The following AKAP12 variants were observed in gnomAD, a reference collection of about 807,000 sequenced individuals.
AKAP12 encodes A-kinase anchoring protein 12, also known as A-kinase anchor protein 12.
In AKAP12, 32 loss-of-function variants were observed where a neutral mutation model predicts 79.9. The ratio of observed to expected loss-of-function variants is 0.40; its 90% CI spans 0.30 to 0.54. The LOEUF (loss-of-function observed/expected upper bound fraction) is 0.54, where lower values mean the gene tolerates loss of function less well. Among genes scored for constraint, AKAP12 ranks in the 20% least tolerant of loss-of-function variants. AKAP12 has a pLI of 0.48. For synonymous variants in AKAP12, 808 were observed against 857.0 expected (o/e 0.94, Z 1.00); for missense variants, 2,074 against 2,177.0 (o/e 0.95, Z 0.94).
intron 2 of AKAP12, among the ~76,000 whole-genome samples, chr6:151,245,354 T>A (rs1797049912): frequency 6.6e-6 from 1 of 151,160 alleles, no homozygotes; most frequent in Admixed American, 6.6e-5. Context: ...TTGAACCGAA[T>A]TCTTTTTTTT....
chr6:151,269,748 G>GTACAATTCACCATT (rs1463480929), intron 2 of AKAP12, among the ~76,000 whole-genome samples: 1 of 152,250 alleles, frequency 6.6e-6, no homozygotes, highest in East Asian at 1.9e-4. Flanking sequence ...TTCACGTACT[G>GTACAATTCACCATT]TACAATTCAC....
At chr6:151,270,006 A>G (rs547308975) in intron 2 of AKAP12, among the ~76,000 whole-genome samples, 24 of 152,230 alleles carry the variant, frequency 1.6e-4, no homozygotes, top group African/African-American at 5.3e-4. Flanking sequence ...TTCATTTATT[A>G]TGGTGTTTGC....
Position 151,280,041 on chromosome 6 carries a change from T to G in AKAP12, c.163-25706T>G, listed in dbSNP as rs543931716. Among the ~76,000 whole-genome samples, 211 of 151,476 alleles carry G rather than the reference T, an allele frequency of 1.4e-3. 1 individual carries two copies. The highest frequency in any genetic ancestry group is 4.5e-3 in the African/African-American group (188 of 41,398). On this transcript the variant is annotated intron_variant, in intron 2 of 4. Coordinates refer to ENST00000402676, the MANE Select transcript of AKAP12 (RefSeq NM_005100.4). ...CAAACATATCCTTTCGGTTGTTGTT[T>G]TTTTTTTTTAAATATGCATATAGAT... is the stretch of plus-strand genomic sequence containing the variant.
chr6:151,349,084 A>G lies in AKAP12; in HGVS notation c.693A>G (p.Glu231=). The G allele has an allele frequency of 3.1e-6, 5 of 1,612,302 alleles. No homozygotes were observed. Among genetic ancestry groups the G allele is most frequent in the Non-Finnish European group, 4.2e-6 (5 of 1,179,592 alleles). The change falls in exon 4 of 5, where the codon GAA becomes GAG. Residue 231 remains glutamate (E), a synonymous_variant. Coordinates refer to ENST00000402676, the MANE Select transcript of AKAP12 (RefSeq NM_005100.4). ...GAGAAGCAGCATCCAAAGAAAGCGA[A>G]CCCAAACAATCTACAGAGAAACCCG... The part of the protein sequence containing the change: ...GAGEAASKES[E]PKQSTEKPEE...
At chr6:151,323,884 A>T (rs1397265724) in intron 3 of AKAP12, 2 of 985,384 alleles carry the variant, frequency 2.0e-6, no homozygotes, top group Non-Finnish European at 2.4e-6. Context: ...CTGAGAAATG[A>T]TGCAGAACCA....
intron 2 of AKAP12, among the ~76,000 whole-genome samples, chr6:151,261,583 C>T (rs114386607): frequency 0.054 from 8,163 of 150,414 alleles, 261 homozygotes; most frequent in African/African-American, 0.085. Context: ...TGCCTGTAAG[C>T]CCAGCTGCTT....
intron 3 of AKAP12, among the ~76,000 whole-genome samples, chr6:151,311,514 C>A (rs988721263): frequency 2.0e-5 from 3 of 152,134 alleles, no homozygotes; most frequent in African/African-American, 7.2e-5. Context: ...TGATCACACC[C>A]CCCACCCCCG....
chr6:151,304,536 G>A (rs1776935323), intron 2 of AKAP12, among the ~76,000 whole-genome samples: 1 of 135,452 alleles, frequency 7.4e-6, no homozygotes, highest in Non-Finnish European at 1.6e-5. Flanking sequence ...TATGACCAAG[G>A]GCATGCCTAC....
intron 2 of AKAP12, among the ~76,000 whole-genome samples, chr6:151,258,682 G>C (rs755596822): frequency 6.6e-6 from 1 of 152,074 alleles, no homozygotes; most frequent in East Asian, 1.9e-4. Flanking sequence ...GTCTTGCTCT[G>C]TTGCCCAGGC....
rs746006991 is a variant in AKAP12 at position 151,347,703 on chromosome 6, C to T, written c.320-1008C>T. Among the ~76,000 whole-genome samples the T allele has an allele frequency of 2.6e-5, 4 of 152,168 alleles. No individual in the cohort carries two copies. The East Asian group carries it at 7.7e-4, about 29-fold the overall frequency. The stretch of plus-strand genomic sequence containing the variant: ...AAGATCTCACTTTATCCTTGAATTG[C>T]CTCGCATTAAAGAAAGTATTAATTG... On this transcript the variant is annotated intron_variant, in intron 3 of 4. Transcript: ENST00000402676.
At chr6:151,256,038 A>G (rs1301619156) in intron 2 of AKAP12, among the ~76,000 whole-genome samples, 1 of 152,090 alleles carries the variant, frequency 6.6e-6, no homozygotes, top group Non-Finnish European at 1.5e-5. Context: ...AGAGGCACCA[A>G]TCCGACAGTG....
chr6:151,325,015 C>T (rs920224179), intron 3 of AKAP12: 1 of 985,308 alleles, frequency 1.0e-6, no homozygotes, highest in Non-Finnish European at 1.2e-6. Flanking sequence ...TAGAAAAAGA[C>T]CCCATGCTCA....
intron 2 of AKAP12, among the ~76,000 whole-genome samples, chr6:151,282,179 G>A (rs1317305178): frequency 1.3e-5 from 2 of 151,870 alleles, no homozygotes; most frequent in African/African-American, 4.8e-5. Flanking sequence ...CGCCTCCCAG[G>A]TTCGAGCGGG....
At chr6:151,291,557 G>A (rs1334057348) in intron 2 of AKAP12, among the ~76,000 whole-genome samples, 1 of 152,188 alleles carries the variant, frequency 6.6e-6, no homozygotes, top group Non-Finnish European at 1.5e-5. Context: ...TCAAGCAGCA[G>A]CAGGGCTGGA....
At chr6:151,301,659 A>G (rs1284032541) in intron 2 of AKAP12, among the ~76,000 whole-genome samples, 3 of 152,170 alleles carry the variant, frequency 2.0e-5, no homozygotes, top group Non-Finnish European at 2.9e-5. Context: ...ATGAAGTCCC[A>G]TTTTGTGCGG....
intron 2 of AKAP12, among the ~76,000 whole-genome samples, chr6:151,276,637 C>A (rs1387576255): frequency 1.3e-5 from 2 of 152,246 alleles, no homozygotes; most frequent in Admixed American, 6.5e-5. Context: ...CTGAGCCTCG[C>A]ACAAAGAGAA....
chr6:151,332,345 A>G (rs1777698231), intron 3 of AKAP12, among the ~76,000 whole-genome samples: 1 of 152,134 alleles, frequency 6.6e-6, no homozygotes, highest in Non-Finnish European at 1.5e-5. Flanking sequence ...CCAGCCCTGC[A>G]TCTTATATGC....
chr6:151,296,805 G>A (rs1776737643), intron 2 of AKAP12, among the ~76,000 whole-genome samples: 1 of 152,130 alleles, frequency 6.6e-6, no homozygotes, highest in South Asian at 2.1e-4. Flanking sequence ...TTCTTGGAAA[G>A]CATGACTGTC....
Position 151,310,400 on chromosome 6 carries a change from G to A in AKAP12, c.319+4497G>A, listed in dbSNP as rs79227726. ...CAAAAACAAAACAGAAACCCAAACA[G>A]GAATGATTTTTAAAACATTGTATCT... On this transcript the variant is annotated intron_variant, in intron 3 of 4. Transcript: ENST00000402676. Among the ~76,000 whole-genome samples the A allele has an allele frequency of 9.3e-3, 1,411 of 151,956 alleles. 24 individuals carry two copies. The highest frequency in any genetic ancestry group is 0.033 in the African/African-American group (1,348 of 41,470).
Sources: gnomAD v4.1 joint callset for allele counts (sites outside exome capture counted in the v4.1 genomes callset) on GRCh38, gnomAD v4.1.1 for gene constraint, MANE v1.5 for transcripts, NCBI Gene and HGNC (gene_info 2026-07-23, HGNC 2026-07-21) for gene names.